Variants in STAC observed in about 807,000 individuals in gnomAD.
STAC encodes the protein SH3 and cysteine-rich domain-containing protein.
In STAC, 43 loss-of-function variants were observed where a neutral mutation model predicts 48.8. The observed-to-expected ratio is 0.88, with a 90% CI of 0.69 to 1.14. STAC has a LOEUF of 1.14. Ranked by LOEUF, STAC falls within the 50% of genes most tolerant of loss-of-function variation. The pLI, the probability that STAC is intolerant of heterozygous loss-of-function variation, is 0.00. For missense variants in STAC, 497 were observed against 504.0 expected, an observed-to-expected ratio of 0.99 and a Z score of 0.13; for synonymous variants, 193 against 179.5, an observed-to-expected ratio of 1.07 and a Z score of -0.60.
At chr3:36,385,178 C>T (rs2125610941) in intron 1 of STAC, among the ~76,000 whole-genome samples, 1 of 152,148 alleles carries the variant, frequency 6.6e-6, no homozygotes, top group South Asian at 2.1e-4. Context: ...CTTTTTCTTC[C>T]ACCTAATGTT....
rs1366733644 is a variant in STAC at position 36,483,303 on chromosome 3, T to C, written c.489+211T>C. Among the ~76,000 whole-genome samples the C allele has an allele frequency of 2.0e-5, 3 of 151,836 alleles. No individual in the cohort carries two copies. In the East Asian group the frequency reaches 5.8e-4, roughly 29 times the overall value. On this transcript the variant is annotated intron_variant, in intron 3 of 10. Transcript: ENST00000273183. ...AACAATGCCCCACCTTGAAAGGGAG[T>C]CAGGGTCATTAACAGAGTGACCAAC...
chr3:36,475,988 G>A (rs904786885), intron 2 of STAC, among the ~76,000 whole-genome samples: 6 of 152,230 alleles, frequency 3.9e-5, no homozygotes, highest in African/African-American at 1.4e-4. Context: ...CCAGCTGGAA[G>A]CCCATACATA....
At chr3:36,435,534 C>T (rs1410480843) in intron 1 of STAC, among the ~76,000 whole-genome samples, 1 of 151,638 alleles carries the variant, frequency 6.6e-6, no homozygotes, top group African/African-American at 2.4e-5. Context: ...AAAAAAAAAA[C>T]TCCCTGGATG....
chr3:36,413,770 C>T (rs1305121235), intron 1 of STAC, among the ~76,000 whole-genome samples: 2 of 152,180 alleles, frequency 1.3e-5, no homozygotes, highest in African/African-American at 4.8e-5. Context: ...TTCCTAGCAT[C>T]AATAGTCTTT....
At chr3:36,444,813 T>C (rs768090169) in intron 2 of STAC, among the ~76,000 whole-genome samples, 1 of 152,190 alleles carries the variant, frequency 6.6e-6, no homozygotes, top group African/African-American at 2.4e-5. Context: ...TGCTAAGTCT[T>C]GGCGCTCCCA....
intron 2 of STAC, among the ~76,000 whole-genome samples, chr3:36,468,545 T>C (rs1389298658): frequency 6.6e-6 from 1 of 150,882 alleles, no homozygotes; most frequent in Non-Finnish European, 1.5e-5. Context: ...ATTTATTAGG[T>C]CTAGTAGTAA....
At chr3:36,401,200 C>G (rs1437131541) in intron 1 of STAC, among the ~76,000 whole-genome samples, 1 of 152,098 alleles carries the variant, frequency 6.6e-6, no homozygotes, top group Non-Finnish European at 1.5e-5. Context: ...AATAAAGGAA[C>G]AGATGGTCAG....
intron 1 of STAC, among the ~76,000 whole-genome samples, chr3:36,429,521 A>G (rs1001830405): frequency 3.3e-5 from 5 of 152,152 alleles, no homozygotes; most frequent in African/African-American, 1.2e-4. Flanking sequence ...CTCTCTGTCC[A>G]TAAGGGCTGA....
chr3:36,461,578 T>C (rs1288302874), intron 2 of STAC, among the ~76,000 whole-genome samples: 2 of 151,996 alleles, frequency 1.3e-5, no homozygotes, highest in African/African-American at 2.4e-5. Context: ...ATAAATGATA[T>C]GGAAAGAAGG....
intron 2 of STAC, among the ~76,000 whole-genome samples, chr3:36,470,425 C>T (rs553231981): frequency 2.5e-4 from 38 of 152,354 alleles, no homozygotes; most frequent in Admixed American, 3.9e-4. Flanking sequence ...GATCCATCTT[C>T]GGTCTTTCAG....
Position 36,400,063 on chromosome 3 carries a change from G to A in STAC, c.111+19309G>A, listed in dbSNP as rs560946217. On this transcript the variant is annotated intron_variant, in intron 1 of 10. Transcript: ENST00000273183. ...GCAGTAAAGTAATAGTGAGTGACCTGTGGAAGCTTTCCTGCTCAAGACCCA... is the reference window on the plus strand; with the variant it reads ...GCAGTAAAGTAATAGTGAGTGACCTATGGAAGCTTTCCTGCTCAAGACCCA... 6.8e-4 allele frequency among the ~76,000 whole-genome samples: 103 copies of A among 152,322 alleles called. 1 individual carries two copies. Among genetic ancestry groups the A allele is most frequent in the Non-Finnish European group, 1.3e-3 (90 of 68,028 alleles).
rs767656854 is a variant in STAC, at chr3:36,528,819, G to T, written c.973-29G>T. ...AACTATTATAATACATGCTACAATT[G>T]TGGATGCATGCCTCCTTTTTCCTTT... On this transcript the variant is annotated intron_variant, in intron 9 of 10. Transcript: ENST00000273183. 4 of 1,609,336 alleles carry T rather than the reference G, an allele frequency of 2.5e-6. No homozygotes were observed. The South Asian group carries it at 4.4e-5, about 18-fold the overall frequency.
At chr3:36,450,957 T>C (rs2125674494) in intron 2 of STAC, among the ~76,000 whole-genome samples, 1 of 152,350 alleles carries the variant, frequency 6.6e-6, no homozygotes, top group Non-Finnish European at 1.5e-5. Flanking sequence ...TGTCATGTTC[T>C]GTAAGTGCTT....
At chr3:36,529,299 G>A (rs1699011678) in intron 10 of STAC, 1 of 176,488 alleles carries the variant, frequency 5.7e-6, no homozygotes. Flanking sequence ...TGGGCTCTGA[G>A]TTAGCGTCCA....
intron 10 of STAC, among the ~76,000 whole-genome samples, chr3:36,532,984 T>C (rs1053628480): frequency 2.0e-4 from 31 of 152,190 alleles, no homozygotes; most frequent in Admixed American, 2.6e-4. Context: ...CAAACACTCA[T>C]AGAGGTTATG....
chr3:36,504,309 G>T, intron 6 of STAC, 84 bp from the exon 7 acceptor site: 1 of 1,278,024 alleles, frequency 7.8e-7, no homozygotes, highest in Non-Finnish European at 1.1e-6. Flanking sequence ...ATGGTACTTA[G>T]AATAAATAAA....
intron 10 of STAC, among the ~76,000 whole-genome samples, 156 bp from the exon 11 acceptor site, chr3:36,546,034 CT>C (rs10717668): frequency 0.1 from 15,895 of 152,214 alleles, 1,072 homozygotes; most frequent in Non-Finnish European, 0.15. Context: ...TTTATCAAAC[CT>C]TTTTCTCACT....
intron 6 of STAC, among the ~76,000 whole-genome samples, chr3:36,503,425 TTTTTTG>T (rs1442402994): frequency 6.6e-6 from 1 of 152,144 alleles, no homozygotes; most frequent in South Asian, 2.1e-4. Context: ...TGTTTTTTGT[TTTTTTG>T]TTTTTGTTTT....
intron 6 of STAC, among the ~76,000 whole-genome samples, chr3:36,493,978 G>A (rs959943704): frequency 6.6e-6 from 1 of 150,894 alleles, no homozygotes; most frequent in African/African-American, 2.4e-5. Context: ...GTGAAACCCC[G>A]TCTCTACTAA....
Sources: gnomAD v4.1 joint callset for allele counts (sites outside exome capture counted in the v4.1 genomes callset) on GRCh38, gnomAD v4.1.1 for gene constraint, MANE v1.5 for transcripts, NCBI Gene and HGNC (gene_info 2026-07-23, HGNC 2026-07-21) for gene names.